Variants in TIAM1 observed in about 807,000 individuals in gnomAD.
TIAM1 encodes the protein rho guanine nucleotide exchange factor TIAM1.
A neutral mutation model predicts 163.5 loss-of-function variants in TIAM1; 65 were observed. That is an observed-to-expected ratio of 0.40 (90% CI 0.33 to 0.49). The LOEUF (loss-of-function observed/expected upper bound fraction) is 0.49. Among genes scored for constraint, TIAM1 ranks in the 20% least tolerant of loss-of-function variants. The pLI, the probability that TIAM1 is intolerant of heterozygous loss-of-function variation, is 0.77. For synonymous variants in TIAM1, 833 were observed against 810.1 expected, an observed-to-expected ratio of 1.03 and a Z score of -0.48; for missense variants, 1,789 against 2,044.7, an observed-to-expected ratio of 0.87 and a Z score of 2.41.
At chr21:31,503,162 C>A (rs1039416017) in intron 1 of TIAM1, among the ~76,000 whole-genome samples, 8 of 151,784 alleles carry the variant, frequency 5.3e-5, no homozygotes, top group Non-Finnish European at 1.0e-4. Context: ...TGGGAGGCTG[C>A]GGCGGGTGGG....
At chr21:31,167,594 C>T (rs890919544) in intron 15 of TIAM1, among the ~76,000 whole-genome samples, 1 of 152,112 alleles carries the variant, frequency 6.6e-6, no homozygotes, top group Admixed American at 6.5e-5. Flanking sequence ...CTAAGTATAT[C>T]CATCAATCCC....
intron 15 of TIAM1, among the ~76,000 whole-genome samples, chr21:31,177,271 G>A (rs953241133): frequency 6.6e-6 from 1 of 152,198 alleles, no homozygotes; most frequent in Admixed American, 6.5e-5. Context: ...GAGGGATTAA[G>A]CATGACCAGG....
intron 20 of TIAM1, among the ~76,000 whole-genome samples, chr21:31,144,523 T>C (rs1003707884): frequency 1.5e-4 from 23 of 152,196 alleles, no homozygotes; most frequent in South Asian, 8.3e-4. Context: ...CTGGGCTCAT[T>C]AGACAATTAG....
chr21:31,470,754 G>A (rs2045710066), intron 1 of TIAM1, among the ~76,000 whole-genome samples: 1 of 152,216 alleles, frequency 6.6e-6, no homozygotes, highest in East Asian at 1.9e-4. Context: ...AATTTTAAGA[G>A]ACAATGCTGC....
intron 1 of TIAM1, among the ~76,000 whole-genome samples, chr21:31,468,414 TGGA>T (rs1231722822): frequency 7.1e-6 from 1 of 141,662 alleles, no homozygotes; most frequent in East Asian, 2.1e-4. Flanking sequence ...GCCCGCAAGG[TGGA>T]GGTTTCAGTG....
At chr21:31,198,271 C>CATAAT (rs1195663054) in intron 12 of TIAM1, among the ~76,000 whole-genome samples, 7 of 152,146 alleles carry the variant, frequency 4.6e-5, no homozygotes, top group Admixed American at 4.6e-4. Context: ...GAAAGGTCAG[C>CATAAT]ATAATACTTG....
intron 2 of TIAM1, among the ~76,000 whole-genome samples, chr21:31,394,683 C>G (rs923833578): frequency 7.0e-6 from 1 of 142,492 alleles, no homozygotes; most frequent in African/African-American, 2.7e-5. Context: ...TGAAAATCTA[C>G]TCATTCTCTC....
chr21:31,409,388 G>A (rs1235529335), intron 2 of TIAM1, among the ~76,000 whole-genome samples: 3 of 152,022 alleles, frequency 2.0e-5, no homozygotes, highest in South Asian at 2.1e-4. Context: ...GATTACAGGC[G>A]TGAGCCACCA....
chr21:31,206,134 C>T (rs890975614), intron 11 of TIAM1, among the ~76,000 whole-genome samples: 5 of 152,012 alleles, frequency 3.3e-5, no homozygotes, highest in African/African-American at 9.7e-5. Context: ...ACTTAAGAGC[C>T]CTAATTTTGG....
At chr21:31,135,663 A>G (rs80190216) in intron 23 of TIAM1, among the ~76,000 whole-genome samples, 3 of 151,864 alleles carry the variant, frequency 2.0e-5, no homozygotes, top group Non-Finnish European at 4.4e-5. Context: ...AAAAAAAAAA[A>G]TTCTTTTCCT....
intron 1 of TIAM1, among the ~76,000 whole-genome samples, chr21:31,496,131 A>G (rs1421086149): frequency 6.6e-6 from 1 of 152,220 alleles, no homozygotes; most frequent in African/African-American, 2.4e-5. Flanking sequence ...AAAAGTTTAA[A>G]AAGTTAAAAA....
intron 2 of TIAM1, among the ~76,000 whole-genome samples, chr21:31,321,175 A>T (rs998387056): frequency 2.0e-5 from 3 of 151,886 alleles, no homozygotes; most frequent in Non-Finnish European, 4.4e-5. Flanking sequence ...GAGTTATAGG[A>T]CAGGTAGAGG....
chr21:31,499,635 A>C lies in TIAM1; in HGVS notation c.-421-35600T>G, dbSNP rs568403571. On this transcript the variant is annotated intron_variant, in intron 1 of 28. Coordinates refer to the TIAM1 transcript ENST00000286827. ...GGGAGGCCGAGGAAGACGGATAACA[A>C]GGTCAGGAGTTCAAAACCAGACTAG... Among the ~76,000 whole-genome samples, 6 of 151,760 alleles carry C rather than the reference A, an allele frequency of 4.0e-5. No homozygotes were observed. In the South Asian group the frequency reaches 1.3e-3, roughly 32 times the overall value.
intron 2 of TIAM1, among the ~76,000 whole-genome samples, chr21:31,332,434 G>T (rs780368316): frequency 1.1e-4 from 17 of 152,050 alleles, no homozygotes; most frequent in Non-Finnish European, 2.2e-4. Flanking sequence ...GAAGAGTCAG[G>T]AAGAGCCCAG....
chr21:31,516,910 C>T (rs2047401039), intron 1 of TIAM1, among the ~76,000 whole-genome samples: 3 of 151,304 alleles, frequency 2.0e-5, no homozygotes, highest in South Asian at 4.2e-4. Flanking sequence ...ATTAGCTGGG[C>T]GTGGTGGCGG....
At chr21:31,323,011 C>T (rs1214349612) in intron 2 of TIAM1, among the ~76,000 whole-genome samples, 3 of 152,096 alleles carry the variant, frequency 2.0e-5, no homozygotes, top group African/African-American at 7.2e-5. Flanking sequence ...GATGAGAGGC[C>T]GGGCGCAGTG....
intron 2 of TIAM1, among the ~76,000 whole-genome samples, chr21:31,365,132 A>C (rs1463933878): frequency 2.0e-5 from 3 of 152,176 alleles, no homozygotes; most frequent in Non-Finnish European, 4.4e-5. Context: ...TTTGGCCCTC[A>C]GGCCAGAATT....
chr21:31,384,550 G>A (rs768231985), intron 2 of TIAM1, among the ~76,000 whole-genome samples: 56 of 152,100 alleles, frequency 3.7e-4, no homozygotes, highest in African/African-American at 1.0e-3. Flanking sequence ...ACTCCAGCCC[G>A]GGTGACAAAG....
At chr21:31,349,358 A>C (rs1480960234) in intron 2 of TIAM1, among the ~76,000 whole-genome samples, 1 of 152,210 alleles carries the variant, frequency 6.6e-6, no homozygotes, top group East Asian at 1.9e-4. Flanking sequence ...AAGGCCAAGG[A>C]AACATCCGTG....
Sources: gnomAD v4.1 joint callset for allele counts (sites outside exome capture counted in the v4.1 genomes callset) on GRCh38, gnomAD v4.1.1 for gene constraint, MANE v1.5 for transcripts, NCBI Gene and HGNC (gene_info 2026-07-23, HGNC 2026-07-21) for gene names.